Variants in CLEC4A observed in about 807,000 individuals in gnomAD.
CLEC4A encodes the protein C-type (calcium dependent, carbohydrate-recognition domain) lectin, superfamily member 6.
In CLEC4A, 27 loss-of-function variants were observed where a neutral mutation model predicts 32.7. That is an observed-to-expected ratio of 0.83 (90% CI 0.61 to 1.14). CLEC4A has a LOEUF of 1.14. Ranked by LOEUF, CLEC4A falls within the 50% of genes most tolerant of loss-of-function variation. The probability of loss-of-function intolerance (pLI) is 0.00; values close to 1 mark genes in which losing one functional copy is unlikely to be tolerated. For synonymous variants in CLEC4A, 89 were observed against 93.7 expected (o/e 0.95, Z 0.29); for missense variants, 253 against 274.6 (o/e 0.92, Z 0.55).
At chr12:8,124,950 T>C (rs1174413905) in intron 1 of CLEC4A, among the ~76,000 whole-genome samples, 1 of 152,094 alleles carries the variant, frequency 6.6e-6, no homozygotes, top group African/African-American at 2.4e-5. Flanking sequence ...AATACTGAAT[T>C]TTTTTCCCCC....
chr12:8,133,167 G>A (rs1437815949), intron 3 of CLEC4A, among the ~76,000 whole-genome samples: 1 of 151,974 alleles, frequency 6.6e-6, no homozygotes, highest in Non-Finnish European at 1.5e-5. Flanking sequence ...CATCCACCTC[G>A]GCCTCCCAAA....
intron 5 of CLEC4A, 53 bp downstream of exon 5, chr12:8,136,956 T>TAGAATACCCTAAGCTC: frequency 8.2e-7 from 1 of 1,225,584 alleles, no homozygotes; most frequent in Non-Finnish European, 1.2e-6. Flanking sequence ...TGCAGAGAGC[T>TAGAATACCCTAAGCTC]TAGGGTATTC....
chr12:8,133,625 A>G (rs1591610542), intron 3 of CLEC4A: 1 of 833,320 alleles, frequency 1.2e-6, no homozygotes, highest in East Asian at 2.7e-5. Flanking sequence ...AGTTGCCCCA[A>G]ACTCCCCTGC....
intron 3 of CLEC4A, among the ~76,000 whole-genome samples, chr12:8,129,897 G>A (rs1254320206): frequency 6.6e-6 from 1 of 152,136 alleles, no homozygotes; most frequent in Non-Finnish European, 1.5e-5. Flanking sequence ...GTGCAGTAGT[G>A]CGAACATGGC....
At chr12:8,117,250 G>GT in the CLEC4A span, among the ~76,000 whole-genome samples, 790 of 148,274 alleles carry the variant, frequency 5.3e-3, 7 homozygotes, top group African/African-American at 0.016. Context: ...TTTTGTTTTT[G>GT]TTTTTTTTGA....
chr12:8,136,960 G>A, intron 5 of CLEC4A, 57 bp downstream of exon 5: 1 of 1,156,646 alleles, frequency 8.6e-7, no homozygotes, highest in Non-Finnish European at 1.3e-6. Flanking sequence ...GAGAGCTTAG[G>A]GTATTCTAGC....
chr12:8,135,620 T>C lies in CLEC4A; in HGVS notation c.334T>C (p.Ser112Pro). The change falls in exon 4 of 6, where the codon TCA becomes CCA. Residue 112 changes from serine to proline, a missense_variant. Transcript: ENST00000229332. The stretch of plus-strand genomic sequence containing the variant: ...GAGCTGTTGCCCAAAGAATTGGAAG[T>C]CATTTAGTTCCAACTGCTACTTTAT... ...AWSCCPKNWKSFSSNCYFIST... is the reference protein window; with the variant it reads ...AWSCCPKNWKPFSSNCYFIST... The C allele has an allele frequency of 6.2e-7, 1 of 1,614,192 alleles. No individual in the cohort carries two copies. Among genetic ancestry groups the C allele is most frequent in the Non-Finnish European group, 8.5e-7 (1 of 1,180,020 alleles).
intron 4 of CLEC4A, among the ~76,000 whole-genome samples, chr12:8,136,088 G>A (rs991528009): frequency 6.6e-6 from 1 of 152,130 alleles, no homozygotes; most frequent in Non-Finnish European, 1.5e-5. Flanking sequence ...AAGAAATAAA[G>A]TTAACTCATG....
the CLEC4A span, among the ~76,000 whole-genome samples, chr12:8,106,925 T>C: frequency 3.3e-5 from 5 of 152,176 alleles, no homozygotes; most frequent in African/African-American, 1.2e-4. Context: ...ATAGGAATGG[T>C]GAGAGTAGGT....
At chr12:8,105,449 A>G in the CLEC4A span, among the ~76,000 whole-genome samples, 3 of 151,922 alleles carry the variant, frequency 2.0e-5, no homozygotes, top group South Asian at 4.2e-4. Context: ...TCCCAGGTTC[A>G]AGCAATTCTC....
At chr12:8,104,717 C>G in the CLEC4A span, among the ~76,000 whole-genome samples, 12 of 152,158 alleles carry the variant, frequency 7.9e-5, no homozygotes, top group East Asian at 2.3e-3. Flanking sequence ...TTTTTCAATC[C>G]TCTCCCTTCT....
At chr12:8,114,587 T>C in the CLEC4A span, among the ~76,000 whole-genome samples, 1 of 152,228 alleles carries the variant, frequency 6.6e-6, no homozygotes, top group African/African-American at 2.4e-5. Flanking sequence ...AGACTCACCT[T>C]GTACTTTCCT....
At chr12:8,124,066 T>C (rs773256686) in intron 1 of CLEC4A, 106 bp downstream of exon 1, 2 of 758,070 alleles carry the variant, frequency 2.6e-6, no homozygotes, top group Non-Finnish European at 4.7e-6. Flanking sequence ...TCTGATTGAG[T>C]ATGTCTGGGA....
the CLEC4A span, among the ~76,000 whole-genome samples, chr12:8,108,096 T>C: frequency 6.6e-6 from 1 of 152,196 alleles, no homozygotes; most frequent in Non-Finnish European, 1.5e-5. Flanking sequence ...ATATTTCTCA[T>C]TAGTTTCAAA....
At position 8,135,753 on chromosome 12, in the gene CLEC4A, A is replaced by T; in HGVS notation, c.450+17A>T. ...GAAGAGCAGGTACTTTCTAATAGAT[A>T]ATGGGGCTGTGAGCCCTGCCTGATC... On this transcript the variant is annotated intron_variant, in intron 4 of 5. Transcript: ENST00000229332. 6.2e-7 allele frequency: 1 copy of T among 1,612,462 alleles called. No individual in the cohort carries two copies. Among genetic ancestry groups the T allele is most frequent in the Non-Finnish European group, 8.5e-7 (1 of 1,179,002 alleles).
At chr12:8,128,471 C>T (rs915401460) in intron 2 of CLEC4A, among the ~76,000 whole-genome samples, 29 of 149,742 alleles carry the variant, frequency 1.9e-4, no homozygotes, top group Admixed American at 1.3e-3. Flanking sequence ...AGTGCAGTGG[C>T]GCAATCTCAG....
At chr12:8,108,506 G>A in the CLEC4A span, among the ~76,000 whole-genome samples, 193 of 152,270 alleles carry the variant, frequency 1.3e-3, no homozygotes, top group Middle Eastern at 0.014. Context: ...TAATGTTCAG[G>A]AGTTCTCCAT....
intron 2 of CLEC4A, among the ~76,000 whole-genome samples, chr12:8,128,189 G>T (rs772759364): frequency 6.6e-6 from 1 of 152,106 alleles, no homozygotes; most frequent in Non-Finnish European, 1.5e-5. Flanking sequence ...AGCAAGAAAG[G>T]TAAGACAAAA....
chr12:8,112,227 C>T, the CLEC4A span, among the ~76,000 whole-genome samples: 1 of 152,176 alleles, frequency 6.6e-6, no homozygotes, highest in East Asian at 1.9e-4. Flanking sequence ...CTTGGCCTCC[C>T]AAAGTGCTGG....
Sources: allele counts gnomAD v4.1 joint callset (sites outside exome capture counted in the v4.1 genomes callset), GRCh38; gene constraint gnomAD v4.1.1; transcripts MANE v1.5; gene names NCBI Gene and HGNC (gene_info 2026-07-23, HGNC 2026-07-21).